TRPC3: variants seen among roughly 807,000 people sequenced by gnomAD.
TRPC3 encodes the protein short transient receptor potential channel 3.
Under a neutral mutation model 90.9 loss-of-function variants are expected in TRPC3, and 54 were observed. That is an observed-to-expected ratio of 0.59 (90% confidence interval 0.48 to 0.75). The LOEUF is 0.75. TRPC3 is among the 30% of genes least tolerant of loss of function. TRPC3 has a pLI of 0.00. For missense variants in TRPC3, 918 were observed against 1,194.5 expected (o/e 0.77, Z 3.41); for synonymous variants, 424 against 450.9 (o/e 0.94, Z 0.75).
chr4:121,922,021 A>C lies in TRPC3; in HGVS notation c.1176+2997T>G, dbSNP rs143100542. Among the ~76,000 whole-genome samples the C allele has an allele frequency of 4.9e-3, 734 of 149,690 alleles. 10 individuals carry two copies. The highest frequency in any genetic ancestry group is 0.017 in the African/African-American group (686 of 40,612). ...ACAAGCTCCGCCTTCCGGGTTCATG[A>C]CATTCTCCTGCCTCAGCCTCCCTAG... On this transcript the variant is annotated intron_variant, in intron 3 of 11. Coordinates refer to ENST00000379645, the MANE Select transcript of TRPC3 (RefSeq NM_001130698.2).
chr4:121,877,585 G>A lies in TRPC3; in HGVS notation c.*2151C>T, dbSNP rs746082274. ...TCTGGGAGACAGGTGCACTGGTCCAGTAGAGGGCATCTGGGCAGGGCATCA... is the reference window on the plus strand; with the variant it reads ...TCTGGGAGACAGGTGCACTGGTCCAATAGAGGGCATCTGGGCAGGGCATCA... On this transcript the variant is annotated 3_prime_UTR_variant, in exon 12 of 12. Transcript: ENST00000379645. Among the ~76,000 whole-genome samples, 2 of 152,138 alleles carry A rather than the reference G, an allele frequency of 1.3e-5. No homozygotes were observed. The highest frequency in any genetic ancestry group is 6.5e-5 in the Admixed American group (1 of 15,276).
chr4:121,923,181 G>T (rs1276402862), intron 3 of TRPC3, among the ~76,000 whole-genome samples: 1 of 152,146 alleles, frequency 6.6e-6, no homozygotes, highest in Non-Finnish European at 1.5e-5. Context: ...ATCAGTGGAA[G>T]GGGCCATATG....
At chr4:121,903,651 T>C (rs902285689) in intron 8 of TRPC3, among the ~76,000 whole-genome samples, 2 of 151,946 alleles carry the variant, frequency 1.3e-5, no homozygotes, top group Admixed American at 1.3e-4. Context: ...CCCTAACTGA[T>C]AGGAGAAATG....
chr4:121,899,609 T>A lies in TRPC3; in HGVS notation c.2547+3A>T. 6.2e-7 allele frequency: 1 copy of A among 1,612,144 alleles called. No homozygotes were observed. The highest frequency in any genetic ancestry group is 8.5e-7 in the Non-Finnish European group (1 of 1,178,464). On this transcript the variant is annotated splice_donor_region_variant and intron_variant, in intron 10 of 11. Transcript: ENST00000379645. ...TCAAGAGATACGTCTAATGAATGCT[T>A]ACCTGATAACGTGTTGGCTGATTGA...
chr4:121,930,698 CAAAT>C, intron 2 of TRPC3: 1 of 272,882 alleles, frequency 3.7e-6, no homozygotes, highest in South Asian at 3.2e-5. Flanking sequence ...GAAATAGTGG[CAAAT>C]AAATATGTTT....
At chr4:121,894,633 G>A (rs1728456456) in intron 10 of TRPC3, among the ~76,000 whole-genome samples, 1 of 120,386 alleles carries the variant, frequency 8.3e-6, no homozygotes, top group South Asian at 2.8e-4. Flanking sequence ...GTACAATCAT[G>A]GCTCACTGCA....
chr4:121,943,404 A>C (rs950187838), intron 1 of TRPC3, among the ~76,000 whole-genome samples: 3 of 152,218 alleles, frequency 2.0e-5, no homozygotes, highest in African/African-American at 7.2e-5. Flanking sequence ...TATTTGGTGC[A>C]TTCTCTATCT....
intron 2 of TRPC3, 121 bp from the exon 3 acceptor site, chr4:121,925,327 G>T: frequency 9.4e-7 from 1 of 1,059,810 alleles, no homozygotes; most frequent in Non-Finnish European, 1.3e-6. Context: ...AGCCCACCTG[G>T]ATGCAAGGCT....
chr4:121,938,181 A>G (rs1319840522), intron 1 of TRPC3, among the ~76,000 whole-genome samples: 1 of 152,124 alleles, frequency 6.6e-6, no homozygotes, highest in Non-Finnish European at 1.5e-5. Context: ...TGTTTAGTTG[A>G]GTTTCTAAAT....
At chr4:121,887,681 A>C (rs1333569466) in intron 10 of TRPC3, among the ~76,000 whole-genome samples, 1 of 152,250 alleles carries the variant, frequency 6.6e-6, no homozygotes, top group Non-Finnish European at 1.5e-5. Context: ...AAGAGACAAC[A>C]GAGAGAATAA....
intron 1 of TRPC3, among the ~76,000 whole-genome samples, chr4:121,943,309 A>T (rs950572): frequency 0.47 from 71,872 of 152,020 alleles, 18,155 homozygotes; most frequent in East Asian, 0.6. Context: ...AAATTAATAA[A>T]AAGAAATAAA....
intron 5 of TRPC3, 97 bp from the exon 6 acceptor site, chr4:121,910,484 C>T (rs778474758): frequency 1.3e-5 from 12 of 915,530 alleles, no homozygotes; most frequent in African/African-American, 8.1e-5. Context: ...CTACCCTACA[C>T]GTCAAGCACA....
Position 121,951,781 on chromosome 4 carries a change from G to T in TRPC3, c.-101C>A. 9.8e-7 allele frequency: 1 copy of T among 1,023,668 alleles called. No homozygotes were observed. The highest frequency in any genetic ancestry group is 1.3e-6 in the Non-Finnish European group (1 of 779,624). The allele number at this position is 1,023,668 out of a possible 1,614,324, so 63.4% of individuals were successfully genotyped here. The stretch of plus-strand genomic sequence containing the variant: ...CGGCGCCCCTTCACCACCTCCCGCG[G>T]CTTCCGGGGCCCCGGGCGGCCCAGG... On this transcript the variant is annotated 5_prime_UTR_variant, in exon 1 of 12. Transcript: ENST00000379645. This position sits in a 1 kb window ranked among gnomAD's most constrained non-coding sequence, Gnocchi z 4.4.
chr4:121,909,414 T>G (rs1210949826), intron 6 of TRPC3, among the ~76,000 whole-genome samples: 1 of 152,124 alleles, frequency 6.6e-6, no homozygotes, highest in Non-Finnish European at 1.5e-5. Context: ...TCTAAAGTAT[T>G]TTCCAGATTT....
In TRPC3 at chr4:121,912,065, A is replaced by G. The variant is rs774053138; in HGVS notation, c.1370T>C (p.Met457Thr). ...RLGKILRSPF[M>T]KFVAHAASFI... The stretch of plus-strand genomic sequence containing the variant: ...AGAAGCTGCATGTGCTACAAACTTC[A>G]TAAAAGGGCTTCGCAGAATTTTCCC... Residue 457 changes from methionine to threonine, a missense_variant, in exon 5 of 12, where the codon ATG (methionine) becomes ACG (threonine). Around this residue, in one of 4 missense-constraint regions of TRPC3, gnomAD observed 609 missense variants for 725.9 expected, o/e 0.84. Transcript: ENST00000379645. 1.2e-6 allele frequency: 2 copies of G among 1,613,746 alleles called. No homozygotes were observed. The highest frequency in any genetic ancestry group is 2.2e-5 in the East Asian group (1 of 44,872).
chr4:121,899,342 T>C (rs1728623148), intron 10 of TRPC3, among the ~76,000 whole-genome samples: 1 of 152,224 alleles, frequency 6.6e-6, no homozygotes, highest in African/African-American at 2.4e-5. Context: ...TTGCTTTCAA[T>C]ATTGTGAGAG....
intron 4 of TRPC3, 62 bp downstream of exon 4, chr4:121,914,710 CTTTTTATT>C: frequency 7.1e-7 from 1 of 1,401,256 alleles, no homozygotes; most frequent in East Asian, 2.3e-5. Flanking sequence ...AAGCATGAAG[CTTTTTATT>C]TTTTTATCCC....
intron 1 of TRPC3, among the ~76,000 whole-genome samples, chr4:121,945,538 AC>A (rs1403044369): frequency 6.6e-6 from 1 of 152,210 alleles, no homozygotes; most frequent in South Asian, 2.1e-4. Context: ...AAGCTGATCC[AC>A]CCAGCTCAAT....
chr4:121,906,046 G>C (rs772944915), intron 7 of TRPC3, among the ~76,000 whole-genome samples: 7 of 151,992 alleles, frequency 4.6e-5, no homozygotes, highest in Non-Finnish European at 7.4e-5. Context: ...TGGGAAGAGG[G>C]GGATAGTAAA....
Sources: allele counts gnomAD v4.1 joint callset (sites outside exome capture counted in the v4.1 genomes callset), GRCh38; gene constraint gnomAD v4.1.1; regional missense constraint gnomAD v4.1.1; non-coding constraint Gnocchi (gnomAD v3.1); transcripts MANE v1.5; gene names NCBI Gene and HGNC (gene_info 2026-07-23, HGNC 2026-07-21).